Variants in CTNNA3 observed in about 807,000 individuals in gnomAD.
CTNNA3 encodes the protein catenin alpha 3, also known as catenin alpha-3.
Under a neutral mutation model 95.7 loss-of-function variants are expected in CTNNA3, and 76 were observed. The observed-to-expected ratio is 0.79, with a 90% CI of 0.66 to 0.96. CTNNA3 has a LOEUF of 0.96. CTNNA3 is among the 40% of genes least tolerant of loss of function. The pLI is 0.00. For synonymous variants in CTNNA3, 431 were observed against 374.4 expected (o/e 1.15, Z -1.74); for missense variants, 1,191 against 1,089.8 (o/e 1.09, Z -1.31).
At chr10:67,262,391 C>A (rs956823155) in intron 5 of CTNNA3, among the ~76,000 whole-genome samples, 2 of 152,164 alleles carry the variant, frequency 1.3e-5, no homozygotes, top group Non-Finnish European at 2.9e-5. Flanking sequence ...TAAACTGGCT[C>A]TGCAGCTGAC....
chr10:66,785,433 C>T (rs1840703864), intron 7 of CTNNA3, among the ~76,000 whole-genome samples: 1 of 152,296 alleles, frequency 6.6e-6, no homozygotes, highest in South Asian at 2.1e-4. Context: ...TGTTGAGGGG[C>T]TGGGTAGAAC....
At chr10:66,446,773 G>A (rs1206945935) in intron 11 of CTNNA3, among the ~76,000 whole-genome samples, 1 of 152,078 alleles carries the variant, frequency 6.6e-6, no homozygotes, top group East Asian at 1.9e-4. Flanking sequence ...ACAAGACAGG[G>A]ATGCCCTCTC....
rs140114743 is a variant in CTNNA3, at chr10:67,756,444, C to A, written c.-2+6990G>T. On this transcript the variant is annotated intron_variant, in intron 1 of 17. Coordinates refer to the CTNNA3 transcript ENST00000684154. ...ATCATATGTACCTCAAAACAATGTA[C>A]ATCTATTATGCATCAATAAAAATAA... Among the ~76,000 whole-genome samples the A allele has an allele frequency of 7.4e-3, 1,124 of 152,134 alleles. 7 individuals carry two copies. Among genetic ancestry groups the A allele is most frequent in the Non-Finnish European group, 0.012 (846 of 67,998 alleles).
chr10:66,601,284 A>C (rs987507159), intron 10 of CTNNA3, among the ~76,000 whole-genome samples: 12 of 151,990 alleles, frequency 7.9e-5, no homozygotes, highest in Non-Finnish European at 1.6e-4. Context: ...AATTGAAAAA[A>C]AAGTAGTTTA....
At chr10:67,014,552 A>G (rs1852539667) in intron 7 of CTNNA3, among the ~76,000 whole-genome samples, 1 of 152,126 alleles carries the variant, frequency 6.6e-6, no homozygotes, top group Non-Finnish European at 1.5e-5. Flanking sequence ...GATCTCTTTT[A>G]TTTTGTACTT....
At chr10:67,309,055 G>A (rs1840675266) in intron 5 of CTNNA3, among the ~76,000 whole-genome samples, 1 of 152,058 alleles carries the variant, frequency 6.6e-6, no homozygotes, top group Admixed American at 6.6e-5. Flanking sequence ...GAAAAACTTT[G>A]AAGATAAATA....
intron 11 of CTNNA3, among the ~76,000 whole-genome samples, chr10:66,408,667 T>C (rs181510898): frequency 1.3e-5 from 2 of 152,298 alleles, no homozygotes; most frequent in Admixed American, 6.5e-5. Flanking sequence ...TCAATAATAC[T>C]CTTACTCTTT....
chr10:66,084,877 T>A (rs558542791), intron 14 of CTNNA3: 1 of 152,264 alleles, frequency 6.6e-6, no homozygotes, highest in South Asian at 2.1e-4. Context: ...TAAGGTGATA[T>A]GTAACAAACT....
intron 11 of CTNNA3, among the ~76,000 whole-genome samples, chr10:66,493,008 A>AG (rs1839976549): frequency 6.6e-6 from 1 of 152,154 alleles, no homozygotes; most frequent in African/African-American, 2.4e-5. Context: ...TGTGTTGAAA[A>AG]AAGAATTGAA....
At chr10:66,594,225 C>A (rs1403254039) in intron 10 of CTNNA3, among the ~76,000 whole-genome samples, 1 of 152,130 alleles carries the variant, frequency 6.6e-6, no homozygotes. Flanking sequence ...GCACATTCTA[C>A]ATCCACTAAT....
chr10:67,748,041 G>A (rs1841382887), intron 1 of CTNNA3, among the ~76,000 whole-genome samples: 2 of 152,146 alleles, frequency 1.3e-5, no homozygotes, highest in African/African-American at 4.8e-5. Context: ...AGAGCAGGAA[G>A]ACAAGATTAT....
intron 1 of CTNNA3, among the ~76,000 whole-genome samples, chr10:67,705,034 C>T (rs1440438150): frequency 2.0e-5 from 3 of 151,992 alleles, no homozygotes; most frequent in African/African-American, 7.2e-5. Context: ...AAAATGGTCA[C>T]CATCACTGGC....
chr10:66,171,590 T>A (rs1017844240), intron 13 of CTNNA3, among the ~76,000 whole-genome samples: 1 of 152,000 alleles, frequency 6.6e-6, no homozygotes, highest in Non-Finnish European at 1.5e-5. Context: ...AAATTAAATG[T>A]GCACAATCTA....
chr10:66,290,737 A>G (rs1426342313), intron 12 of CTNNA3, among the ~76,000 whole-genome samples: 2 of 152,132 alleles, frequency 1.3e-5, no homozygotes, highest in Non-Finnish European at 2.9e-5. Flanking sequence ...AATTCTAGAG[A>G]GAAAGTCAAT....
At chr10:67,232,772 C>T (rs1435879113) in intron 5 of CTNNA3, among the ~76,000 whole-genome samples, 4 of 151,640 alleles carry the variant, frequency 2.6e-5, no homozygotes, top group African/African-American at 4.8e-5. Flanking sequence ...ACCCATCTCA[C>T]GTGCAGAGAC....
At chr10:67,564,379 A>G (rs1454529873) in intron 3 of CTNNA3, among the ~76,000 whole-genome samples, 2 of 148,510 alleles carry the variant, frequency 1.3e-5, no homozygotes, top group Admixed American at 1.3e-4. Context: ...CATTCTGAGC[A>G]AACTATCGCA....
chr10:67,756,168 G>A (rs947619693), intron 1 of CTNNA3, among the ~76,000 whole-genome samples: 13 of 152,074 alleles, frequency 8.5e-5, no homozygotes, highest in Non-Finnish European at 1.0e-4. Context: ...GTAGGGTGGG[G>A]GGAACAGGGA....
chr10:66,630,201 ATCT>A (rs1564579893), intron 9 of CTNNA3, among the ~76,000 whole-genome samples: 2 of 152,140 alleles, frequency 1.3e-5, no homozygotes, highest in South Asian at 4.1e-4. Context: ...AGAATGTATC[ATCT>A]TCTTGATGAA....
chr10:66,095,184 T>C (rs921656777), intron 14 of CTNNA3, among the ~76,000 whole-genome samples: 1 of 152,048 alleles, frequency 6.6e-6, no homozygotes, highest in Non-Finnish European at 1.5e-5. Context: ...TATGTGACAA[T>C]GTCTAAGAAA....
Sources: gnomAD v4.1 joint callset for allele counts (sites outside exome capture counted in the v4.1 genomes callset) on GRCh38, gnomAD v4.1.1 for gene constraint, MANE v1.5 for transcripts, NCBI Gene and HGNC (gene_info 2026-07-23, HGNC 2026-07-21) for gene names.